TRMT11: variants seen among roughly 807,000 people sequenced by gnomAD.
The protein encoded by TRMT11 is tRNA methyltransferase 11, also known as tRNA (guanine(10)-N(2))-methyltransferase TRMT11.
TRMT11 carries 53 observed loss-of-function variants against 62.8 expected under a neutral mutation model. The observed-to-expected ratio is 0.84, with a 90% CI of 0.68 to 1.06. The LOEUF (loss-of-function observed/expected upper bound fraction) is 1.06, where lower values mean the gene tolerates loss of function less well. TRMT11 is among the 50% of genes least tolerant of loss of function. The pLI is 0.00. For missense variants in TRMT11, 556 were observed against 553.4 expected (o/e 1.00, Z -0.05); for synonymous variants, 188 against 190.3 (o/e 0.99, Z 0.10).
chr6:126,189,686 T>C (rs1778572413), intron 1 of TRMT11, among the ~76,000 whole-genome samples: 1 of 152,142 alleles, frequency 6.6e-6, no homozygotes, highest in Non-Finnish European at 1.5e-5. Flanking sequence ...TTTTATTTTA[T>C]TGTTGGTTGG....
In TRMT11 at chr6:126,170,697, C is replaced by T. The variant is rs79423467; in HGVS notation, c.*1824-4128C>T. ...TGGTATCTGCATTTTTACAAGATCT[C>T]CCGCTGATCTGTGCCCTCATGGAAG... is the stretch of plus-strand genomic sequence containing the variant. On this transcript the variant is annotated intron_variant and NMD_transcript_variant, in intron 21 of 22. Coordinates refer to the TRMT11 transcript ENST00000648977. Among the ~76,000 whole-genome samples, 383 of 152,216 alleles carry T rather than the reference C, an allele frequency of 2.5e-3. 1 individual carries two copies. Among genetic ancestry groups the T allele is most frequent in the Non-Finnish European group, 4.5e-3 (308 of 68,026 alleles).
At chr6:126,202,168 T>C (rs1423600947) in exon 4 of TRMT11, 2 of 151,714 alleles carry the variant, frequency 1.3e-5, no homozygotes, top group Non-Finnish European at 2.9e-5. Flanking sequence ...GTCTGGTATA[T>C]AGTAGGTGCT....
chr6:126,008,345 A>G (rs781561309), intron 7 of TRMT11, 47 bp from the exon 8 acceptor site: 1 of 1,472,148 alleles, frequency 6.8e-7, no homozygotes, highest in Non-Finnish European at 9.5e-7. Flanking sequence ...AACAAACAGG[A>G]GTTTGGGACT....
In TRMT11 at chr6:125,998,817, A is replaced by T. The variant is rs558092709; in HGVS notation, c.522+133A>T. Reference sequence around the variant, plus strand: ...CTACTGAATGGATTAAAATTGGTGAAGAGTATGTGATTATGTTTTGTTTTG... The same window carrying T: ...CTACTGAATGGATTAAAATTGGTGATGAGTATGTGATTATGTTTTGTTTTG... On this transcript the variant is annotated intron_variant, in intron 6 of 12. Coordinates refer to ENST00000334379, the MANE Select transcript of TRMT11 (RefSeq NM_001031712.3). 4.9e-5 allele frequency: 40 copies of T among 809,366 alleles called. No individual in the cohort carries two copies. The Admixed American group carries it at 1.1e-3, about 21-fold the overall frequency. The allele number at this position is 809,366 out of a possible 1,614,324, so 50.1% of individuals were successfully genotyped here. A position where few individuals can be genotyped will look rare whatever the true frequency, so the allele number is the denominator to read the frequency against.
rs141050396 is a variant in TRMT11 at position 125,992,975 on chromosome 6, GTA to G, written c.73-779_73-778del. On this transcript the variant is annotated intron_variant, in intron 1 of 12. Coordinates refer to ENST00000334379, the MANE Select transcript of TRMT11 (RefSeq NM_001031712.3). ...TGGAGTGGGGGACTTCCTGGTCTGG[GTA>G]TAGTTTCCCTTTTGATGGCGGTGGG... Among the ~76,000 whole-genome samples the G allele has an allele frequency of 1.8e-3, 269 of 152,254 alleles. 3 individuals carry two copies. The highest frequency in any genetic ancestry group is 3.0e-3 in the Non-Finnish European group (203 of 68,020).
the TRMT11 span, among the ~76,000 whole-genome samples, chr6:126,259,527 T>C: frequency 6.6e-6 from 1 of 152,226 alleles, no homozygotes; most frequent in Non-Finnish European, 1.5e-5. Flanking sequence ...CAGTCTACCA[T>C]TGATGGGTAT....
intron 21 of TRMT11, among the ~76,000 whole-genome samples, chr6:126,149,049 A>C (rs1182112562): frequency 6.6e-6 from 1 of 152,230 alleles, no homozygotes; most frequent in Non-Finnish European, 1.5e-5. Context: ...ATTGTGTCAA[A>C]GTTGAAAGCA....
chr6:126,097,893 A>C (rs1469613588), intron 17 of TRMT11, among the ~76,000 whole-genome samples: 1 of 152,154 alleles, frequency 6.6e-6, no homozygotes, highest in African/African-American at 2.4e-5. Context: ...TCTTTTAAAG[A>C]AACATCTCCA....
At chr6:126,217,602 C>G in the TRMT11 span, among the ~76,000 whole-genome samples, 550 of 152,330 alleles carry the variant, frequency 3.6e-3, 9 homozygotes, top group African/African-American at 0.013. Context: ...AATGGAATCT[C>G]TTCCTCTGTG....
intron 17 of TRMT11, among the ~76,000 whole-genome samples, chr6:126,058,124 G>A (rs1273043203): frequency 6.6e-6 from 1 of 151,976 alleles, no homozygotes; most frequent in Non-Finnish European, 1.5e-5. Flanking sequence ...CCTCCCGACA[G>A]GCCCCAGTGT....
chr6:126,219,782 A>G, the TRMT11 span, among the ~76,000 whole-genome samples: 1 of 152,312 alleles, frequency 6.6e-6, no homozygotes, highest in African/African-American at 2.4e-5. Context: ...TCCACCAAGT[A>G]TTTGCTAAAT....
chr6:125,990,603 A>G (rs575397797), intron 1 of TRMT11, among the ~76,000 whole-genome samples: 2 of 152,270 alleles, frequency 1.3e-5, no homozygotes, highest in East Asian at 1.9e-4. Flanking sequence ...TTATCTTTCT[A>G]TGCCTTCAAT....
chr6:126,150,036 T>C lies in TRMT11; in HGVS notation c.*1824-24789T>C, dbSNP rs140974056. On this transcript the variant is annotated intron_variant and NMD_transcript_variant, in intron 21 of 22. Transcript: ENST00000648977. ...TGTGTTGAAATTTAATCCCTAATGT[T>C]GCGGTATTGAGAGGTGAGGCCTTTA... is the stretch of plus-strand genomic sequence containing the variant. Among the ~76,000 whole-genome samples, 1,271 of 152,304 alleles carry C rather than the reference T, an allele frequency of 8.3e-3. 16 individuals carry two copies. The highest frequency in any genetic ancestry group is 0.029 in the African/African-American group (1,213 of 41,566).
At chr6:126,119,106 C>T (rs1369107142) in intron 21 of TRMT11, among the ~76,000 whole-genome samples, 1 of 152,080 alleles carries the variant, frequency 6.6e-6, no homozygotes, top group East Asian at 1.9e-4. Flanking sequence ...GTCCTGTTAT[C>T]TCTCTGAAGA....
chr6:126,227,145 G>C, the TRMT11 span, among the ~76,000 whole-genome samples: 1 of 152,154 alleles, frequency 6.6e-6, no homozygotes, highest in Non-Finnish European at 1.5e-5. Flanking sequence ...AATAGATATT[G>C]ATTTTTAATT....
At chr6:126,134,653 C>G (rs1038007477) in intron 21 of TRMT11, among the ~76,000 whole-genome samples, 1 of 151,762 alleles carries the variant, frequency 6.6e-6, no homozygotes, top group East Asian at 1.9e-4. Flanking sequence ...CTTAACATAC[C>G]TTTAGAGAAC....
intron 17 of TRMT11, among the ~76,000 whole-genome samples, chr6:126,102,262 A>G (rs1777410153): frequency 1.3e-5 from 2 of 152,338 alleles, no homozygotes; most frequent in South Asian, 4.1e-4. Context: ...TATATTAAAT[A>G]AAGTTTGAAC....
intron 17 of TRMT11, among the ~76,000 whole-genome samples, chr6:126,108,365 G>A (rs745933965): frequency 6.6e-6 from 1 of 152,156 alleles, no homozygotes; most frequent in South Asian, 2.1e-4. Flanking sequence ...TAAGGATAGT[G>A]CCAACTTATT....
intron 21 of TRMT11, among the ~76,000 whole-genome samples, chr6:126,132,785 G>A (rs1289607781): frequency 2.0e-5 from 3 of 151,938 alleles, no homozygotes; most frequent in Admixed American, 1.3e-4. Context: ...AAGAATTATC[G>A]TATAAAATCC....
Sources: allele counts gnomAD v4.1 joint callset (sites outside exome capture counted in the v4.1 genomes callset), GRCh38; gene constraint gnomAD v4.1.1; transcripts MANE v1.5; gene names NCBI Gene and HGNC (gene_info 2026-07-23, HGNC 2026-07-21).